The following CCN6 variants were observed in gnomAD, a reference collection of about 807,000 sequenced individuals.
The protein encoded by CCN6 is CCN family member 6.
In CCN6, 31 loss-of-function variants were observed where a neutral mutation model predicts 37.4. The observed-to-expected ratio is 0.83, with a 90% CI of 0.62 to 1.12. The LOEUF is 1.12. Among genes scored for constraint, CCN6 ranks in the 50% most tolerant of loss-of-function variants. The pLI is 0.00. For missense variants in CCN6, 369 were observed against 413.8 expected (o/e 0.89, Z 0.94); for synonymous variants, 137 against 142.1 (o/e 0.96, Z 0.26).
chr6:112,064,863 G>T lies in CCN6; in HGVS notation c.455G>T (p.Cys152Phe), dbSNP rs1554313585. 6.2e-7 allele frequency: 1 copy of T among 1,614,130 alleles called. No individual in the cohort carries two copies. The change falls in exon 3 of 5, where the codon TGC (cysteine) becomes TTC (phenylalanine). Residue 152 changes from cysteine (C) to phenylalanine (F), a missense_variant. Coordinates refer to ENST00000368666, the MANE Select transcript of CCN6 (RefSeq NM_198239.2). ...SCLCVSGAIG[C>F]TPLFIPKLAG... is the part of the protein sequence containing the mutation. ...CTCTGTGTGAGTGGGGCCATTGGAT[G>T]CACACCTCTGTTCATACCAAAGCTG... is the stretch of plus-strand genomic sequence containing the variant.
chr6:112,057,038 T>C (rs1398201614), intron 1 of CCN6, among the ~76,000 whole-genome samples: 3 of 152,224 alleles, frequency 2.0e-5, no homozygotes, highest in Non-Finnish European at 4.4e-5. Context: ...CCTTTTGACC[T>C]CAGAGATTAT....
intron 3 of CCN6, 151 bp from the exon 4 acceptor site, chr6:112,068,054 G>A: frequency 1.6e-6 from 1 of 624,458 alleles, no homozygotes; most frequent in African/African-American, 1.9e-5. Context: ...GAGGGAGATA[G>A]AGTGATAAAT....
chr6:112,066,450 G>A (rs1776697950), intron 3 of CCN6, among the ~76,000 whole-genome samples: 1 of 152,166 alleles, frequency 6.6e-6, no homozygotes, highest in Non-Finnish European at 1.5e-5. Context: ...GAGCAGTTCA[G>A]TGGATTCACT....
chr6:112,063,844 C>T (rs1211576522), intron 2 of CCN6, among the ~76,000 whole-genome samples: 1 of 152,202 alleles, frequency 6.6e-6, no homozygotes, highest in African/African-American at 2.4e-5. Flanking sequence ...CCTTAAGTTT[C>T]CCTGAGAGAG....
Position 112,061,051 on chromosome 6 carries a change from G to T in CCN6, c.109G>T (p.Glu37Ter). Residue 37 changes from glutamate (E) to a stop codon, truncating the protein, a stop_gained, in exon 2 of 5, where the codon GAA becomes TAA. Coordinates refer to ENST00000368666, the MANE Select transcript of CCN6 (RefSeq NM_198239.2). LOFTEE classifies it high-confidence loss of function. ...LDTTPEGRPG[E>*]VSDAPQRKQF... ...TACAACACCTGAAGGAAGGCCTGGA[G>T]AAGTGTCAGATGCACCTCAGCGTAA... 6.2e-7 allele frequency: 1 copy of T among 1,614,188 alleles called. No individual in the cohort carries two copies. The highest frequency in any genetic ancestry group is 8.5e-7 in the Non-Finnish European group (1 of 1,180,034).
chr6:112,055,370 C>G (rs960620880), intron 1 of CCN6, among the ~76,000 whole-genome samples: 18 of 152,210 alleles, frequency 1.2e-4, no homozygotes, highest in Admixed American at 1.2e-3. Flanking sequence ...TTGAGAGCAG[C>G]TAGATGTTCT....
upstream of CCN6, among the ~76,000 whole-genome samples, chr6:112,052,948 C>T (rs1458774489): frequency 1.3e-5 from 2 of 152,140 alleles, no homozygotes; most frequent in African/African-American, 4.8e-5. Context: ...CAGGCCTAAG[C>T]GAGGCTTGAT....
intron 1 of CCN6, chr6:112,055,022 C>A (rs1776305581): frequency 6.4e-6 from 1 of 155,250 alleles, no homozygotes; most frequent in Non-Finnish European, 1.4e-5. Flanking sequence ...CAATTCATTG[C>A]CTTAGTCTTT....
chr6:112,060,487 A>G (rs1200065215), intron 1 of CCN6, among the ~76,000 whole-genome samples: 1 of 152,224 alleles, frequency 6.6e-6, no homozygotes, highest in Non-Finnish European at 1.5e-5. Context: ...ATATATTGGC[A>G]TTTGCTTAAA....
chr6:112,057,968 AG>A (rs1554312095), intron 1 of CCN6, among the ~76,000 whole-genome samples: 1 of 152,148 alleles, frequency 6.6e-6, no homozygotes, highest in Admixed American at 6.5e-5. Flanking sequence ...AGGACTGAAG[AG>A]GGTTCACGGA....
rs1368649311 is a variant in CCN6, at chr6:112,064,671, C to T, written c.347-84C>T. On this transcript the variant is annotated intron_variant, in intron 2 of 4. Transcript: ENST00000368666. ...GCTATACTTCATACAGGAGATGATC[C>T]GTTTCTTCTTAGGTTTATAATTGGA... The T allele has an allele frequency of 4.4e-6, 7 of 1,594,258 alleles. No individual in the cohort carries two copies. In the East Asian group the frequency reaches 6.7e-5, roughly 15 times the overall value.
chr6:112,060,911 G>A, intron 1 of CCN6, 80 bp from the exon 2 acceptor site: 2 of 1,553,976 alleles, frequency 1.3e-6, no homozygotes, highest in Non-Finnish European at 8.8e-7. Context: ...TATACTACCT[G>A]TTTGGGGGAA....
At chr6:112,061,761 C>T (rs1242182181) in intron 2 of CCN6, among the ~76,000 whole-genome samples, 3 of 152,170 alleles carry the variant, frequency 2.0e-5, no homozygotes, top group Admixed American at 1.3e-4. Flanking sequence ...TTTACTTCAG[C>T]AGATTTGTAA....
Position 112,054,193 on chromosome 6 carries a change from A to T in CCN6, c.-165A>T. The stretch of plus-strand genomic sequence containing the variant: ...AGGGTATTAAAACGGATCCTTAAAA[A>T]TGAAAGTGCAGGCTGAAAGTTGGTA... On this transcript the variant is annotated 5_prime_UTR_variant, in exon 1 of 5. It removes an upstream start codon present in the reference 5' UTR. Coordinates refer to ENST00000368666, the MANE Select transcript of CCN6 (RefSeq NM_198239.2). 1.1e-6 allele frequency: 1 copy of T among 942,180 alleles called. No individual in the cohort carries two copies. Among genetic ancestry groups the T allele is most frequent in the Non-Finnish European group, 1.8e-6 (1 of 566,406 alleles). 58.4% of individuals were successfully genotyped at this position (942,180 alleles called of 1,614,324 possible).
intron 1 of CCN6, among the ~76,000 whole-genome samples, chr6:112,058,272 A>G (rs1776407747): frequency 1.3e-5 from 2 of 152,206 alleles, no homozygotes; most frequent in Non-Finnish European, 2.9e-5. Context: ...TATGTGTTTT[A>G]CCAGTAGTAA....
intron 1 of CCN6, 64 bp downstream of exon 1, chr6:112,054,469 C>G: frequency 6.9e-7 from 1 of 1,440,944 alleles, no homozygotes; most frequent in Admixed American, 1.7e-5. Context: ...TCTTCAGGCC[C>G]AAAACTAAAC....
chr6:112,054,330 C>A lies in CCN6; in HGVS notation c.-28C>A, dbSNP rs1554311363. 1 of 1,613,974 alleles carries A rather than the reference C, an allele frequency of 6.2e-7. No individual in the cohort carries two copies. On this transcript the variant is annotated 5_prime_UTR_variant, in exon 1 of 5. Transcript: ENST00000368666. ...TGAACAAGCGGCGACTTCTCTACCC[C>A]TCAGGGTGGCTCCACGGTCCCAGCG... is the stretch of plus-strand genomic sequence containing the variant.
At chr6:112,056,316 T>G (rs1008284624) in intron 1 of CCN6, among the ~76,000 whole-genome samples, 29 of 152,190 alleles carry the variant, frequency 1.9e-4, no homozygotes, top group African/African-American at 7.0e-4. Context: ...GGTTTTTATT[T>G]CACCATCATG....
chr6:112,069,589 G>A lies in CCN6; in HGVS notation c.1034G>A (p.Gly345Glu). The change falls in exon 5 of 5, where the codon GGA becomes GAA. Residue 345 changes from glycine to glutamate, a missense_variant. Physicochemically the swap from Gly to Glu is moderately conservative, Grantham distance 98 (BLOSUM62 -2). Coordinates refer to ENST00000368666, the MANE Select transcript of CCN6 (RefSeq NM_198239.2). ...TGTCAGAGAAACTGCAGAGAACCTGGAGATATATTTTCTGAGCTCAAGATT... is the reference window on the plus strand; with the variant it reads ...TGTCAGAGAAACTGCAGAGAACCTGAAGATATATTTTCTGAGCTCAAGATT... ...CVCQRNCREP[G>E]DIFSELKIL 1.9e-6 allele frequency: 3 copies of A among 1,613,646 alleles called. No homozygotes were observed.
Sources: allele counts gnomAD v4.1 joint callset (sites outside exome capture counted in the v4.1 genomes callset), GRCh38; gene constraint gnomAD v4.1.1; transcripts MANE v1.5; gene names NCBI Gene and HGNC (gene_info 2026-07-23, HGNC 2026-07-21).